Variants in EYS observed in about 807,000 individuals in gnomAD.
The protein encoded by EYS is EGF-like photoreceptor maintenance factor, also known as protein eyes shut homolog.
Under a neutral mutation model 282.1 loss-of-function variants are expected in EYS, and 250 were observed. That is an observed-to-expected ratio of 0.89 (90% CI 0.80 to 0.98). EYS has a LOEUF of 0.98. Among genes scored for constraint, EYS ranks in the 50% least tolerant of loss-of-function variants. The probability of loss-of-function intolerance (pLI) is 0.00; values close to 1 mark genes in which losing one functional copy is unlikely to be tolerated. For missense variants in EYS, 4,016 were observed against 3,709.0 expected (o/e 1.08, Z -2.15); for synonymous variants, 1,355 against 1,282.9 (o/e 1.06, Z -1.20).
At chr6:65,151,115 A>G (rs970720285) in intron 12 of EYS, among the ~76,000 whole-genome samples, 11 of 151,976 alleles carry the variant, frequency 7.2e-5, no homozygotes, top group Admixed American at 5.9e-4. Context: ...CAATGATTAC[A>G]TAAAATAAGT....
chr6:64,658,443 T>A (rs4425572), intron 22 of EYS, among the ~76,000 whole-genome samples: 96,809 of 151,560 alleles, frequency 0.64, 31,115 homozygotes, highest in African/African-American at 0.71. Context: ...TTTTAGAGTT[T>A]CCAGTTTTTC....
intron 31 of EYS, among the ~76,000 whole-genome samples, chr6:64,113,968 C>T (rs1404157762): frequency 6.6e-6 from 1 of 152,166 alleles, no homozygotes; most frequent in Non-Finnish European, 1.5e-5. Context: ...GCTGCTTTCA[C>T]AGTACACTGG....
intron 32 of EYS, among the ~76,000 whole-genome samples, chr6:64,075,741 A>G (rs997986450): frequency 1.3e-5 from 2 of 151,978 alleles, no homozygotes; most frequent in Non-Finnish European, 2.9e-5. Context: ...CATTATCTGA[A>G]TAAGTCACTT....
intron 30 of EYS, among the ~76,000 whole-genome samples, chr6:64,303,793 A>T (rs1375156906): frequency 6.9e-6 from 1 of 144,492 alleles, no homozygotes; most frequent in East Asian, 2.1e-4. Flanking sequence ...GTGAGTCGAG[A>T]TCGCGCCACT....
chr6:64,522,053 C>T (rs1260092528), intron 26 of EYS, among the ~76,000 whole-genome samples: 1 of 151,662 alleles, frequency 6.6e-6, no homozygotes, highest in Non-Finnish European at 1.5e-5. Flanking sequence ...TCTAGGACAA[C>T]AGAATGTTGT....
intron 8 of EYS, among the ~76,000 whole-genome samples, chr6:65,381,454 C>G (rs549611091): frequency 6.6e-6 from 1 of 151,586 alleles, no homozygotes; most frequent in Non-Finnish European, 1.5e-5. Flanking sequence ...TATCACACAC[C>G]GAGGCCTGTC....
chr6:64,902,621 A>G (rs1395698145), intron 16 of EYS, 121 bp from the exon 17 acceptor site: 1 of 565,644 alleles, frequency 1.8e-6, no homozygotes. Flanking sequence ...AAAGAAAATA[A>G]TTACTCTCAA....
intron 12 of EYS, among the ~76,000 whole-genome samples, chr6:65,214,558 G>T (rs947977866): frequency 6.6e-6 from 1 of 152,192 alleles, no homozygotes; most frequent in African/African-American, 2.4e-5. Flanking sequence ...GCAAGGTGAA[G>T]TTGCAAGTGC....
chr6:65,656,628 T>C (rs1348789274), intron 1 of EYS, among the ~76,000 whole-genome samples: 1 of 151,892 alleles, frequency 6.6e-6, no homozygotes, highest in Non-Finnish European at 1.5e-5. Flanking sequence ...CCTCAGATGC[T>C]GGAAAAGAAG....
intron 31 of EYS, among the ~76,000 whole-genome samples, chr6:64,135,373 C>T (rs148061119): frequency 0.019 from 2,954 of 152,022 alleles, 81 homozygotes; most frequent in African/African-American, 0.067. Flanking sequence ...GACAATTGCA[C>T]ATATGATCAA....
chr6:65,443,293 T>C (rs1474960709), intron 5 of EYS, among the ~76,000 whole-genome samples: 1 of 129,112 alleles, frequency 7.7e-6, no homozygotes, highest in African/African-American at 2.5e-5. Flanking sequence ...CATGCATATA[T>C]GCATACATGT....
intron 36 of EYS, among the ~76,000 whole-genome samples, chr6:63,813,605 T>C (rs893846355): frequency 2.0e-5 from 3 of 152,174 alleles, no homozygotes; most frequent in Non-Finnish European, 4.4e-5. Context: ...AATATATAAT[T>C]TTTTGGAGTT....
At chr6:64,309,938 C>T (rs1361966468) in intron 29 of EYS, among the ~76,000 whole-genome samples, 5 of 148,336 alleles carry the variant, frequency 3.4e-5, no homozygotes, top group African/African-American at 1.3e-4. Context: ...GCCCTCCAGC[C>T]TGGTGACAGA....
chr6:63,762,385 A>G lies in EYS; in HGVS notation c.8071+76T>C, dbSNP rs1242444874. 5 of 1,402,706 alleles carry G rather than the reference A, an allele frequency of 3.6e-6. No homozygotes were observed. The African/African-American group carries it at 7.3e-5, about 21-fold the overall frequency. The allele number at this position is 1,402,706 out of a possible 1,614,324, so 86.9% of individuals were successfully genotyped here. A position where few individuals can be genotyped will look rare whatever the true frequency, so the allele number is the denominator to read the frequency against. On this transcript the variant is annotated intron_variant, in intron 41 of 42. Coordinates refer to ENST00000503581, the MANE Select transcript of EYS (RefSeq NM_001142800.2). The stretch of plus-strand genomic sequence containing the variant: ...ATTATATGTACTTTTTTACTTCTCA[A>G]AAAGAAAACTGACTTTGAAGTTCCT...
At chr6:63,725,618 TA>T (rs1170747693) in intron 42 of EYS, among the ~76,000 whole-genome samples, 2 of 152,124 alleles carry the variant, frequency 1.3e-5, no homozygotes, top group Admixed American at 1.3e-4. Flanking sequence ...AGCTGTATTT[TA>T]TAGCTCAATT....
At chr6:65,396,733 C>G (rs902206602) in intron 7 of EYS, among the ~76,000 whole-genome samples, 6 of 152,038 alleles carry the variant, frequency 3.9e-5, no homozygotes, top group African/African-American at 1.4e-4. Context: ...TTTCCTCATA[C>G]TCACTTGGAT....
chr6:65,370,754 C>T lies in EYS; in HGVS notation c.1299+13632G>A, dbSNP rs1271598579. On this transcript the variant is annotated intron_variant, in intron 8 of 42. Coordinates refer to ENST00000503581, the MANE Select transcript of EYS (RefSeq NM_001142800.2). ...AAGAAAGAGTTCTCCTGCTCAGTTTCTATAGTCTGCGCACTTCCTATAAGG... is the reference window on the plus strand; with the variant it reads ...AAGAAAGAGTTCTCCTGCTCAGTTTTTATAGTCTGCGCACTTCCTATAAGG... Among the ~76,000 whole-genome samples the T allele has an allele frequency of 2.0e-5, 3 of 151,868 alleles. No individual in the cohort carries two copies. The East Asian group carries it at 5.8e-4, about 29-fold the overall frequency.
chr6:65,425,558 A>G (rs1260499252), intron 5 of EYS, among the ~76,000 whole-genome samples: 1 of 152,214 alleles, frequency 6.6e-6, no homozygotes, highest in East Asian at 1.9e-4. Flanking sequence ...AACTTCAATA[A>G]TATCTATGTG....
At chr6:65,645,170 C>A (rs1271250005) in intron 1 of EYS, among the ~76,000 whole-genome samples, 1 of 151,860 alleles carries the variant, frequency 6.6e-6, no homozygotes, top group Admixed American at 6.6e-5. Flanking sequence ...TAGACTATAC[C>A]CTACAGCAAA....
Sources: allele counts gnomAD v4.1 joint callset (sites outside exome capture counted in the v4.1 genomes callset), GRCh38; gene constraint gnomAD v4.1.1; transcripts MANE v1.5; gene names NCBI Gene and HGNC (gene_info 2026-07-23, HGNC 2026-07-21).